Variants in KIAA1217 observed in about 807,000 individuals in gnomAD.
KIAA1217 encodes KIAA1217, also known as sickle tail protein homolog.
Under a neutral mutation model 163.9 loss-of-function variants are expected in KIAA1217, and 88 were observed. That is an observed-to-expected ratio of 0.54 (90% CI 0.45 to 0.64). The LOEUF is 0.64. Ranked by LOEUF, KIAA1217 falls within the 30% of genes least tolerant of loss-of-function variation. The pLI is 0.00. For missense variants in KIAA1217, 2,372 were observed against 2,475.0 expected, an observed-to-expected ratio of 0.96 and a Z score of 0.88; for synonymous variants, 903 against 923.1, an observed-to-expected ratio of 0.98 and a Z score of 0.39.
intron 1 of KIAA1217, among the ~76,000 whole-genome samples, chr10:23,822,938 T>C (rs150111306): frequency 4.7e-4 from 71 of 152,332 alleles, no homozygotes; most frequent in African/African-American, 1.7e-3. Context: ...AAATTAAAGA[T>C]GAGGGAAGCA....
At chr10:24,127,489 C>A (rs571913313) in intron 2 of KIAA1217, among the ~76,000 whole-genome samples, 235 of 152,280 alleles carry the variant, frequency 1.5e-3, no homozygotes, top group Non-Finnish European at 2.6e-3. Context: ...TCCCTGGAAT[C>A]CTATGATTTT....
chr10:23,760,525 G>A lies in KIAA1217; in HGVS notation c.-321+65291G>A, dbSNP rs149946308. ...GTGCAGAAGTTGAATTCTAGCAGTC[G>A]CAGTAGCACATCTGTTTCAGTGTTC... On this transcript the variant is annotated intron_variant, in intron 1 of 18. Coordinates refer to the KIAA1217 transcript ENST00000376462. Among the ~76,000 whole-genome samples the A allele has an allele frequency of 1.2e-3, 181 of 152,314 alleles. 1 individual carries two copies. Among genetic ancestry groups the A allele is most frequent in the African/African-American group, 4.0e-3 (165 of 41,580 alleles).
intron 1 of KIAA1217, among the ~76,000 whole-genome samples, chr10:23,711,895 A>T (rs1472340902): frequency 3.3e-5 from 5 of 152,184 alleles, no homozygotes. Flanking sequence ...GCCTGATATG[A>T]TCACTTTCAG....
intron 2 of KIAA1217, among the ~76,000 whole-genome samples, chr10:24,048,508 A>C (rs887478547): frequency 7.9e-5 from 12 of 152,060 alleles, no homozygotes; most frequent in Admixed American, 4.6e-4. Context: ...AGGCGGGTGG[A>C]TTACTTGAAG....
At chr10:24,330,094 G>T (rs2045465136) in intron 2 of KIAA1217, among the ~76,000 whole-genome samples, 1 of 152,128 alleles carries the variant, frequency 6.6e-6, no homozygotes, top group Non-Finnish European at 1.5e-5. Context: ...GAGGTCAGGA[G>T]TTGGAGACCA....
At chr10:23,836,865 A>G (rs1025587829) in intron 1 of KIAA1217, among the ~76,000 whole-genome samples, 1 of 142,932 alleles carries the variant, frequency 7.0e-6, no homozygotes, top group African/African-American at 2.5e-5. Context: ...TGGGATGTCA[A>G]TGAGCTGTGA....
chr10:23,819,751 A>G (rs537983644), intron 1 of KIAA1217, among the ~76,000 whole-genome samples: 6 of 152,186 alleles, frequency 3.9e-5, no homozygotes, highest in Non-Finnish European at 7.3e-5. Context: ...GTGTCGTAAC[A>G]TTGAATTTTT....
chr10:23,924,095 G>T (rs1003630870), intron 1 of KIAA1217, among the ~76,000 whole-genome samples: 4 of 151,308 alleles, frequency 2.6e-5, no homozygotes, highest in Non-Finnish European at 5.9e-5. Flanking sequence ...GATCAAAACT[G>T]CAAACAATAA....
intron 1 of KIAA1217, among the ~76,000 whole-genome samples, chr10:23,901,361 A>G (rs1841946910): frequency 6.6e-6 from 1 of 152,110 alleles, no homozygotes; most frequent in African/African-American, 2.4e-5. Context: ...ATAGTAATAC[A>G]GTCTTATACT....
chr10:23,938,685 G>T (rs529806059), intron 1 of KIAA1217, among the ~76,000 whole-genome samples: 32 of 151,976 alleles, frequency 2.1e-4, no homozygotes, highest in Non-Finnish European at 4.1e-4. Context: ...AAAAAAGGAT[G>T]TGCCTCGGTT....
intron 1 of KIAA1217, among the ~76,000 whole-genome samples, chr10:23,833,492 A>AG (rs1838308918): frequency 6.6e-6 from 1 of 152,026 alleles, no homozygotes; most frequent in Non-Finnish European, 1.5e-5. Flanking sequence ...AAAAAAAAAA[A>AG]AAAACTAAGT....
intron 1 of KIAA1217, among the ~76,000 whole-genome samples, chr10:23,948,227 T>C (rs1162686969): frequency 6.6e-6 from 1 of 152,188 alleles, no homozygotes. Context: ...TCTCTGTGCT[T>C]CAGTCTCTTT....
At chr10:24,159,442 CT>C (rs1297368042) in intron 2 of KIAA1217, among the ~76,000 whole-genome samples, 1 of 152,064 alleles carries the variant, frequency 6.6e-6, no homozygotes, top group Non-Finnish European at 1.5e-5. Context: ...CTAGGATTCA[CT>C]TAAGAAAAAT....
intron 1 of KIAA1217, among the ~76,000 whole-genome samples, chr10:23,723,536 G>T (rs372999301): frequency 6.6e-6 from 1 of 152,202 alleles, no homozygotes; most frequent in African/African-American, 2.4e-5. Flanking sequence ...ACCACTTTTT[G>T]CTGTTCAGAT....
chr10:24,364,123 C>T (rs979063190), intron 2 of KIAA1217, among the ~76,000 whole-genome samples: 12 of 151,934 alleles, frequency 7.9e-5, no homozygotes, highest in East Asian at 1.9e-4. Context: ...AGATTACAGG[C>T]GCCCACCACC....
intron 2 of KIAA1217, among the ~76,000 whole-genome samples, chr10:24,082,559 T>C (rs2061572622): frequency 6.6e-6 from 1 of 152,226 alleles, no homozygotes; most frequent in African/African-American, 2.4e-5. Context: ...TCTGTGTCCA[T>C]GCAGAGGACA....
intron 8 of KIAA1217, among the ~76,000 whole-genome samples, chr10:24,498,248 C>T (rs752574478): frequency 6.6e-6 from 1 of 151,900 alleles, no homozygotes; most frequent in African/African-American, 2.4e-5. Context: ...AAAAGGTTGG[C>T]AGAGGAAGGA....
intron 2 of KIAA1217, among the ~76,000 whole-genome samples, chr10:24,072,535 C>T (rs1370234502): frequency 6.6e-6 from 1 of 152,114 alleles, no homozygotes; most frequent in African/African-American, 2.4e-5. Flanking sequence ...CCCAGGTTCT[C>T]AATAATCTGT....
chr10:24,206,814 C>T (rs1388911880), upstream of KIAA1217, among the ~76,000 whole-genome samples: 1 of 151,998 alleles, frequency 6.6e-6, no homozygotes, highest in East Asian at 1.9e-4. Context: ...TGGGCTTGGC[C>T]CGTATGGGGG....
Sources: gnomAD v4.1 joint callset for allele counts (sites outside exome capture counted in the v4.1 genomes callset) on GRCh38, gnomAD v4.1.1 for gene constraint, MANE v1.5 for transcripts, NCBI Gene and HGNC (gene_info 2026-07-23, HGNC 2026-07-21) for gene names.